GPR137B: variants seen among roughly 807,000 people sequenced by gnomAD.
GPR137B encodes the protein integral membrane protein GPR137B.
GPR137B carries 42 observed loss-of-function variants against 42.5 expected under a neutral mutation model. That is an observed-to-expected ratio of 0.99 (90% CI 0.77 to 1.28). GPR137B has a LOEUF of 1.28. Among genes scored for constraint, GPR137B ranks in the 50% most tolerant of loss-of-function variants. The probability of loss-of-function intolerance (pLI) is 0.00; values close to 1 mark genes in which losing one functional copy is unlikely to be tolerated. For missense variants in GPR137B, 487 were observed against 493.9 expected (o/e 0.99, Z 0.13); for synonymous variants, 218 against 209.7 (o/e 1.04, Z -0.34).
At chr1:236,185,269 G>A (rs748526846) in intron 5 of GPR137B, among the ~76,000 whole-genome samples, 29 of 152,292 alleles carry the variant, frequency 1.9e-4, no homozygotes, top group South Asian at 6.2e-4. Context: ...TGCAGGTGGG[G>A]CATTTCTTAA....
rs762211078 is a variant in GPR137B, at chr1:236,208,045, T to C, written c.1092-5T>C. 2 of 1,606,554 alleles carry C rather than the reference T, an allele frequency of 1.2e-6. No individual in the cohort carries two copies. The highest frequency in any genetic ancestry group is 2.2e-5 in the South Asian group (2 of 90,900). On this transcript the variant is annotated splice_region_variant and splice_polypyrimidine_tract_variant and intron_variant, in intron 6 of 6. Transcript: ENST00000366592. ...AAGTCACTGAAATATTTTTTTCTTT[T>C]TAAGTTTTGCTCCAGATTACTATGA...
intron 1 of GPR137B, among the ~76,000 whole-genome samples, chr1:236,157,982 CTG>C (rs1199534155): frequency 1.3e-5 from 2 of 152,180 alleles, no homozygotes; most frequent in African/African-American, 2.4e-5. Context: ...GGACGGTACT[CTG>C]TATCTTTCAC....
At chr1:236,165,632 C>T (rs558258745) in intron 1 of GPR137B, among the ~76,000 whole-genome samples, 58 of 152,174 alleles carry the variant, frequency 3.8e-4, no homozygotes, top group Non-Finnish European at 7.5e-4. Flanking sequence ...ATACTTGGTT[C>T]CATAGCGCAG....
At position 236,168,861 on chromosome 1, in the gene GPR137B, C is replaced by A. The variant is rs570255737; in HGVS notation, c.464+106C>A. ...CACACATCGCTGTTCTGTGAGCCGC[C>A]GGAAACAGTCCTGCCTGCTGGCTGG... On this transcript the variant is annotated intron_variant, in intron 2 of 6. Transcript: ENST00000366592. The A allele has an allele frequency of 7.1e-6, 6 of 845,640 alleles. No individual in the cohort carries two copies. The African/African-American group carries it at 8.3e-5, about 12-fold the overall frequency. 52.4% of individuals were successfully genotyped at this position (845,640 alleles called of 1,614,324 possible).
In GPR137B at chr1:236,160,543, CTG is replaced by C. The variant is rs535977653; in HGVS notation, c.415-8161_415-8160del. Among the ~76,000 whole-genome samples, 235 of 152,342 alleles carry C rather than the reference CTG, an allele frequency of 1.5e-3. 2 individuals carry two copies. Among genetic ancestry groups the C allele is most frequent in the Non-Finnish European group, 8.5e-4 (58 of 68,026 alleles). ...TTCTCGGGACCCAGGCTCCTTCTGTCTGTCCACAAGCATGCTCAGGTCTCCCC... is the reference window on the plus strand; with the variant it reads ...TTCTCGGGACCCAGGCTCCTTCTGTCTCCACAAGCATGCTCAGGTCTCCCC... On this transcript the variant is annotated intron_variant, in intron 1 of 6. Transcript: ENST00000366592.
intron 1 of GPR137B, among the ~76,000 whole-genome samples, chr1:236,154,926 G>A (rs543521488): frequency 6.6e-6 from 1 of 152,262 alleles, no homozygotes; most frequent in African/African-American, 2.4e-5. Context: ...CCTTCCTTAA[G>A]TACATTTAGA....
chr1:236,180,959 A>G (rs1172908105), intron 4 of GPR137B, among the ~76,000 whole-genome samples: 1 of 152,168 alleles, frequency 6.6e-6, no homozygotes, highest in East Asian at 1.9e-4. Flanking sequence ...ATGTAAGATG[A>G]TATTATTAAA....
intron 1 of GPR137B, among the ~76,000 whole-genome samples, chr1:236,151,121 C>T (rs1299099908): frequency 3.3e-5 from 5 of 152,204 alleles, no homozygotes; most frequent in Non-Finnish European, 7.3e-5. Flanking sequence ...AAAGCTGGTT[C>T]CTGGTTGGAA....
At chr1:236,199,656 G>A (rs1300296240) in intron 5 of GPR137B, among the ~76,000 whole-genome samples, 6 of 150,572 alleles carry the variant, frequency 4.0e-5, no homozygotes, top group Non-Finnish European at 7.4e-5. Context: ...AAAGGTGTTC[G>A]TAGTAACCTT....
At position 236,154,236 on chromosome 1, in the gene GPR137B, C is replaced by T. The variant is rs150474841; in HGVS notation, c.414+11200C>T. On this transcript the variant is annotated intron_variant, in intron 1 of 6. Coordinates refer to ENST00000366592, the MANE Select transcript of GPR137B (RefSeq NM_003272.4). The stretch of plus-strand genomic sequence containing the variant: ...CTGGTCTGCCTGGGTTTGTTCTCAG[C>T]GAATCGTGGGGTCCAGACCAACATG... 5.7e-4 allele frequency among the ~76,000 whole-genome samples: 87 copies of T among 152,202 alleles called. 1 individual carries two copies. The East Asian group carries it at 0.011, about 19-fold the overall frequency.
chr1:236,164,886 AAGAGAGAGAGAGAGAGAGAGAG>A (rs10581092), intron 1 of GPR137B, among the ~76,000 whole-genome samples: 1 of 143,872 alleles, frequency 7.0e-6, no homozygotes, highest in African/African-American at 2.5e-5. Flanking sequence ...AGATGAATTC[AAGAGAGAGAGAGAGAGAGAGAG>A]AGAGAGAGAG....
At chr1:236,169,173 T>C (rs1662450967) in intron 2 of GPR137B, among the ~76,000 whole-genome samples, 1 of 121,552 alleles carries the variant, frequency 8.2e-6, no homozygotes, top group Admixed American at 7.7e-5. Context: ...ATGCTCCCAC[T>C]GCAGGTGCAG....
intron 5 of GPR137B, among the ~76,000 whole-genome samples, chr1:236,194,795 A>C (rs922564513): frequency 6.6e-6 from 1 of 152,162 alleles, no homozygotes; most frequent in Non-Finnish European, 1.5e-5. Context: ...ATTTTTTGAG[A>C]GGTAAACTCA....
At chr1:236,188,300 C>G (rs10924659) in intron 5 of GPR137B, among the ~76,000 whole-genome samples, 50,474 of 151,950 alleles carry the variant, frequency 0.33, 8,973 homozygotes, top group East Asian at 0.61. Flanking sequence ...TTTCCTATTT[C>G]AATATGCTTT....
chr1:236,164,388 A>G (rs1026959379), intron 1 of GPR137B, among the ~76,000 whole-genome samples: 1 of 152,138 alleles, frequency 6.6e-6, no homozygotes, highest in Non-Finnish European at 1.5e-5. Flanking sequence ...CGTGCTGTCA[A>G]AGCACCAGAG....
rs533063442 is a variant in GPR137B at position 236,167,666 on chromosome 1, A to G, written c.415-1040A>G. On this transcript the variant is annotated intron_variant, in intron 1 of 6. Transcript: ENST00000366592. ...CTTTCTTTCCTTCTCCCAGTACTGT[A>G]TTGCAACCCTGTTAAACACCAGGGA... 4.6e-5 allele frequency among the ~76,000 whole-genome samples: 7 copies of G among 152,140 alleles called. No homozygotes were observed. The East Asian group carries it at 1.2e-3, about 25-fold the overall frequency.
chr1:236,184,787 G>A (rs1662975001), intron 5 of GPR137B, among the ~76,000 whole-genome samples: 1 of 151,646 alleles, frequency 6.6e-6, no homozygotes, highest in South Asian at 2.1e-4. Context: ...TTTCTTTTGA[G>A]ATGAAGTCTT....
chr1:236,146,884 C>T lies in GPR137B; in HGVS notation c.414+3848C>T, dbSNP rs537806084. 3.3e-5 allele frequency among the ~76,000 whole-genome samples: 5 copies of T among 152,314 alleles called. No homozygotes were observed. In the South Asian group the frequency reaches 6.2e-4, roughly 19 times the overall value. The stretch of plus-strand genomic sequence containing the variant: ...GCCGCAGTAGTGTGATCTTGGCTCA[C>T]TGCAACCTCCGCCTCCCAGATTCAA... On this transcript the variant is annotated intron_variant, in intron 1 of 6. Transcript: ENST00000366592.
At position 236,142,582 on chromosome 1, in the gene GPR137B, C is replaced by G. The variant is rs2102884879; in HGVS notation, c.-41C>G. On this transcript the variant is annotated 5_prime_UTR_variant, in exon 1 of 7. Coordinates refer to ENST00000366592, the MANE Select transcript of GPR137B (RefSeq NM_003272.4). The stretch of plus-strand genomic sequence containing the variant: ...TCGGGGCTGCAGGCTGAGCGCGATG[C>G]GCGGAGACCCCCGCGGGGGCGGCGG... The G allele has an allele frequency of 8.3e-7, 1 of 1,205,294 alleles. No individual in the cohort carries two copies. The highest frequency in any genetic ancestry group is 3.3e-5 in the East Asian group (1 of 30,310). 74.7% of individuals were successfully genotyped at this position (1,205,294 alleles called of 1,614,324 possible). A position where few individuals can be genotyped will look rare whatever the true frequency, so the allele number is the denominator to read the frequency against.
Sources: gnomAD v4.1 joint callset for allele counts (sites outside exome capture counted in the v4.1 genomes callset) on GRCh38, gnomAD v4.1.1 for gene constraint, MANE v1.5 for transcripts, NCBI Gene and HGNC (gene_info 2026-07-23, HGNC 2026-07-21) for gene names.